Variants in DIAPH3 observed in about 807,000 individuals in gnomAD.
DIAPH3 encodes protein diaphanous homolog 3.
DIAPH3 carries 117 observed loss-of-function variants against 144.3 expected under a neutral mutation model. The ratio of observed to expected loss-of-function variants is 0.81; its 90% CI spans 0.70 to 0.95. DIAPH3 has a LOEUF of 0.95. Ranked by LOEUF, DIAPH3 falls within the 40% of genes least tolerant of loss-of-function variation. The pLI is 0.00. For missense variants in DIAPH3, 1,421 were observed against 1,412.7 expected (o/e 1.01, Z -0.09); for synonymous variants, 519 against 488.9 (o/e 1.06, Z -0.81).
chr13:59,898,294 A>G (rs1473520462), intron 20 of DIAPH3, among the ~76,000 whole-genome samples: 8 of 152,180 alleles, frequency 5.3e-5, no homozygotes, highest in Admixed American at 5.2e-4. Flanking sequence ...ATATTCACGT[A>G]TATTTTAACA....
chr13:59,913,510 C>A (rs1217558902), intron 19 of DIAPH3, among the ~76,000 whole-genome samples: 1 of 152,140 alleles, frequency 6.6e-6, no homozygotes, highest in Non-Finnish European at 1.5e-5. Context: ...ACCCTTGCCT[C>A]CACACATACA....
intron 27 of DIAPH3, among the ~76,000 whole-genome samples, chr13:59,688,377 C>T (rs2033327286): frequency 6.6e-6 from 1 of 151,878 alleles, no homozygotes; most frequent in African/African-American, 2.4e-5. Flanking sequence ...CCTGAATAAT[C>T]AAAACCACTG....
intron 27 of DIAPH3, among the ~76,000 whole-genome samples, chr13:59,696,921 T>C (rs2033830959): frequency 6.6e-6 from 1 of 152,132 alleles, no homozygotes. Flanking sequence ...AATAAACTTT[T>C]AATTGTATTT....
chr13:60,044,134 T>C (rs1001122787), intron 4 of DIAPH3: 2 of 152,142 alleles, frequency 1.3e-5, no homozygotes, highest in Non-Finnish European at 2.9e-5. Context: ...ATAGCCTAGA[T>C]AGGAAATGAT....
chr13:60,153,888 C>G (rs377740365), intron 1 of DIAPH3, among the ~76,000 whole-genome samples: 1 of 152,004 alleles, frequency 6.6e-6, no homozygotes, highest in Non-Finnish European at 1.5e-5. Context: ...TTCCTTTATA[C>G]GTTTTTTTGT....
chr13:59,866,884 G>A (rs1215305438), intron 21 of DIAPH3, among the ~76,000 whole-genome samples: 2 of 151,568 alleles, frequency 1.3e-5, no homozygotes, highest in Admixed American at 1.3e-4. Context: ...TAACACAATT[G>A]CTCAGACAGA....
At chr13:59,715,769 G>T (rs979276282) in intron 27 of DIAPH3, among the ~76,000 whole-genome samples, 3 of 152,170 alleles carry the variant, frequency 2.0e-5, no homozygotes, top group Non-Finnish European at 4.4e-5. Flanking sequence ...ACACAATCTT[G>T]CTGAGATTCA....
intron 4 of DIAPH3, among the ~76,000 whole-genome samples, chr13:60,071,466 A>C (rs2057204004): frequency 6.6e-6 from 1 of 152,196 alleles, no homozygotes; most frequent in South Asian, 2.1e-4. Flanking sequence ...TTTTTACAGA[A>C]AGGTTTCCTG....
At chr13:59,703,576 G>A (rs1009740534) in intron 27 of DIAPH3, among the ~76,000 whole-genome samples, 3 of 151,760 alleles carry the variant, frequency 2.0e-5, no homozygotes, top group Non-Finnish European at 4.4e-5. Flanking sequence ...TGTATTTTTC[G>A]GTTCTAGAAT....
chr13:59,868,051 G>C (rs1251906427), intron 21 of DIAPH3, among the ~76,000 whole-genome samples: 1 of 151,996 alleles, frequency 6.6e-6, no homozygotes, highest in East Asian at 1.9e-4. Flanking sequence ...GGGTCGCAGT[G>C]AGACTGGCAC....
chr13:59,810,918 T>G lies in DIAPH3; in HGVS notation c.3033A>C (p.Ala1011=), dbSNP rs2040437371. 3 of 1,463,496 alleles carry G rather than the reference T, an allele frequency of 2.0e-6. No individual in the cohort carries two copies. In the East Asian group the frequency reaches 7.6e-5, roughly 37 times the overall value. The allele number at this position is 1,463,496 out of a possible 1,614,324, so 90.7% of individuals were successfully genotyped here. Reference sequence around the variant, plus strand: ...CTCTTTTTTTGATATTCTCCTTTATTGCTTGCTAAAAAAATTTTGAAAAAT... The same window carrying G: ...CTCTTTTTTTGATATTCTCCTTTATGGCTTGCTAAAAAAATTTTGAAAAAT... The part of the protein sequence containing the change: ...LNNFRTTFMQ[A]IKENIKKREA... The change falls in exon 25 of 28, where the codon GCA becomes GCC. Residue 1011 remains alanine, a synonymous_variant. Coordinates refer to ENST00000400324, the MANE Select transcript of DIAPH3 (RefSeq NM_001042517.2).
chr13:59,893,535 G>T (rs1392349879), intron 20 of DIAPH3, among the ~76,000 whole-genome samples: 1 of 151,922 alleles, frequency 6.6e-6, no homozygotes. Flanking sequence ...ACACAATGCA[G>T]TCAGATCCCT....
intron 20 of DIAPH3, among the ~76,000 whole-genome samples, chr13:59,906,322 G>C (rs1189818952): frequency 6.6e-6 from 1 of 152,034 alleles, no homozygotes; most frequent in Non-Finnish European, 1.5e-5. Flanking sequence ...CAGAACAATG[G>C]ATTTTTTAAA....
chr13:59,768,271 A>C (rs1480627309), intron 27 of DIAPH3, among the ~76,000 whole-genome samples: 1 of 152,144 alleles, frequency 6.6e-6, no homozygotes, highest in Non-Finnish European at 1.5e-5. Flanking sequence ...CATCAGGAAA[A>C]GAACAAAAAA....
chr13:59,839,555 G>A, intron 22 of DIAPH3, 107 bp from the exon 23 acceptor site: 3 of 1,001,864 alleles, frequency 3.0e-6, no homozygotes, highest in Non-Finnish European at 4.2e-6. Context: ...AATAATGTAA[G>A]AAAATTCATT....
chr13:59,860,463 G>T (rs1440111430), intron 22 of DIAPH3, among the ~76,000 whole-genome samples: 1 of 152,174 alleles, frequency 6.6e-6, no homozygotes, highest in Non-Finnish European at 1.5e-5. Context: ...TTGAGGCCGG[G>T]CGCGGTGGCT....
intron 7 of DIAPH3, among the ~76,000 whole-genome samples, chr13:60,015,613 G>C (rs1272500254): frequency 6.6e-6 from 1 of 151,870 alleles, no homozygotes; most frequent in South Asian, 2.1e-4. Context: ...GCAGAGAAAG[G>C]GTGGTGGGTG....
chr13:59,909,994 C>A (rs1287553237), intron 20 of DIAPH3, among the ~76,000 whole-genome samples: 1 of 152,150 alleles, frequency 6.6e-6, no homozygotes, highest in African/African-American at 2.4e-5. Context: ...GAGCAGTCTT[C>A]TTGAATCACT....
rs184501958 is a variant in DIAPH3 at position 60,019,901 on chromosome 13, T to G, written c.627-3756A>C. Among the ~76,000 whole-genome samples the G allele has an allele frequency of 5.9e-5, 9 of 151,366 alleles. No homozygotes were observed. The East Asian group carries it at 1.5e-3, about 26-fold the overall frequency. ...CAAGTATTTTTCCCAAAGACTGATC[T>G]CCTACTCTTCCTTTGTTTTGTTTAA... is the stretch of plus-strand genomic sequence containing the variant. On this transcript the variant is annotated intron_variant, in intron 5 of 27. Coordinates refer to ENST00000400324, the MANE Select transcript of DIAPH3 (RefSeq NM_001042517.2).
Sources: gnomAD v4.1 joint callset for allele counts (sites outside exome capture counted in the v4.1 genomes callset) on GRCh38, gnomAD v4.1.1 for gene constraint, MANE v1.5 for transcripts, NCBI Gene and HGNC (gene_info 2026-07-23, HGNC 2026-07-21) for gene names.